The following FCRL4 variants were observed in gnomAD, a reference collection of about 807,000 sequenced individuals.
The protein encoded by FCRL4 is Fc receptor like 4.
In FCRL4, 43 loss-of-function variants were observed where a neutral mutation model predicts 64.1. That is an observed-to-expected ratio of 0.67 (90% CI 0.53 to 0.87). FCRL4 has a LOEUF of 0.87. Ranked by LOEUF, FCRL4 falls within the 40% of genes least tolerant of loss-of-function variation. FCRL4 has a pLI of 0.00. For synonymous variants in FCRL4, 253 were observed against 239.8 expected, an observed-to-expected ratio of 1.05 and a Z score of -0.51; for missense variants, 656 against 613.5, an observed-to-expected ratio of 1.07 and a Z score of -0.73.
At chr1:157,590,500 T>C (rs1367808918) in intron 2 of FCRL4, among the ~76,000 whole-genome samples, 1 of 151,808 alleles carries the variant, frequency 6.6e-6, no homozygotes, top group Non-Finnish European at 1.5e-5. Flanking sequence ...TAAAACCTTT[T>C]TTCACTTGTT....
At chr1:157,596,439 A>G in intron 1 of FCRL4, 91 bp from the exon 2 acceptor site, 4 of 1,407,844 alleles carry the variant, frequency 2.8e-6, no homozygotes, top group Non-Finnish European at 3.0e-6. Flanking sequence ...GCTACTTCCA[A>G]CCAAGAGGAA....
At chr1:157,589,100 G>A (rs1395208257) in intron 3 of FCRL4, 104 bp downstream of exon 3, 26 of 1,263,064 alleles carry the variant, frequency 2.1e-5, no homozygotes, top group East Asian at 2.3e-5. Context: ...AGCTGGGATC[G>A]AGGGTTAGAG....
intron 6 of FCRL4, among the ~76,000 whole-genome samples, chr1:157,584,791 A>G (rs2101679785): frequency 6.6e-6 from 1 of 152,246 alleles, no homozygotes; most frequent in Middle Eastern, 3.4e-3. Flanking sequence ...TAAACTGTTC[A>G]GGTTTATGGC....
At chr1:157,580,937 G>A (rs1247218044) in intron 7 of FCRL4, among the ~76,000 whole-genome samples, 2 of 152,246 alleles carry the variant, frequency 1.3e-5, no homozygotes, top group Admixed American at 1.3e-4. Context: ...GAGGCAAGAA[G>A]TCTTTGGAAG....
At position 157,573,853 on chromosome 1, in the gene FCRL4, A is replaced by G. The variant is rs1239724493; in HGVS notation, c.*1671T>C. 5.2e-6 allele frequency: 1 copy of G among 192,290 alleles called. No individual in the cohort carries two copies. The highest frequency in any genetic ancestry group is 1.1e-5 in the Non-Finnish European group (1 of 92,370). 11.9% of individuals were successfully genotyped at this position (192,290 alleles called of 1,614,324 possible). On this transcript the variant is annotated 3_prime_UTR_variant, in exon 12 of 12. Coordinates refer to ENST00000271532, the MANE Select transcript of FCRL4 (RefSeq NM_031282.3). ...ACAATAAACTATCACTTATATCCAAAACACACAACAATTTCTTAATATTAG... is the reference window on the plus strand; with the variant it reads ...ACAATAAACTATCACTTATATCCAAGACACACAACAATTTCTTAATATTAG...
rs372277997 is a variant in FCRL4 at position 157,578,567 on chromosome 1, G to T, written c.1361-25C>A. 6.9e-5 allele frequency: 110 copies of T among 1,599,770 alleles called. 1 individual carries two copies. The highest frequency in any genetic ancestry group is 5.1e-4 in the East Asian group (23 of 44,804). On this transcript the variant is annotated intron_variant, in intron 9 of 11. Coordinates refer to ENST00000271532, the MANE Select transcript of FCRL4 (RefSeq NM_031282.3). ...ACTGGAAAGAAAAGACATTTTCAAG[G>T]CTGTTCCTGTTAGTATTAAAGTGCT... is the stretch of plus-strand genomic sequence containing the variant.
chr1:157,575,456 A>C lies in FCRL4; in HGVS notation c.*68T>G. ...TCATTCCAGGGGCCGCAAGGACTGC[A>C]CTGGGCCTGGGACTTTGGACAAGGG... On this transcript the variant is annotated 3_prime_UTR_variant, in exon 12 of 12. Transcript: ENST00000271532. The C allele has an allele frequency of 8.4e-7, 1 of 1,193,316 alleles. No individual in the cohort carries two copies. The highest frequency in any genetic ancestry group is 1.2e-6 in the Non-Finnish European group (1 of 809,352). 73.9% of individuals were successfully genotyped at this position (1,193,316 alleles called of 1,614,324 possible). A position where few individuals can be genotyped will look rare whatever the true frequency, so the allele number is the denominator to read the frequency against.
intron 1 of FCRL4, among the ~76,000 whole-genome samples, chr1:157,596,914 G>A (rs1186722361): frequency 6.6e-6 from 1 of 152,144 alleles, no homozygotes; most frequent in Non-Finnish European, 1.5e-5. Context: ...ATTTGTAAAT[G>A]GGAGTTATAA....
At position 157,579,699 on chromosome 1, in the gene FCRL4, AATACATACATACATACATACATACATAC is replaced by A. The variant is rs71084243; in HGVS notation, c.1277+594_1277+621del. On this transcript the variant is annotated intron_variant, in intron 8 of 11. Coordinates refer to ENST00000271532, the MANE Select transcript of FCRL4 (RefSeq NM_031282.3). ...GCCACTGCACTCCAGCCTGGGTGAC[AATACATACATACATACATACATACATAC>A]ATACATACATACATACATACATAAA... Among the ~76,000 whole-genome samples, 156 of 123,726 alleles carry A rather than the reference AATACATACATACATACATACATACATAC, an allele frequency of 1.3e-3. 2 individuals carry two copies. Among genetic ancestry groups the A allele is most frequent in the Admixed American group, 1.6e-3 (21 of 12,778 alleles). 81.2% of individuals were successfully genotyped at this position (123,726 alleles called of 152,430 possible). A position where few individuals can be genotyped will look rare whatever the true frequency, so the allele number is the denominator to read the frequency against.
intron 3 of FCRL4, among the ~76,000 whole-genome samples, 185 bp downstream of exon 3, chr1:157,589,019 T>C (rs1652773000): frequency 6.6e-6 from 1 of 152,212 alleles, no homozygotes; most frequent in Non-Finnish European, 1.5e-5. Context: ...ATATTAACCA[T>C]TTAAACTCAA....
intron 9 of FCRL4, 100 bp from the exon 10 acceptor site, chr1:157,578,642 G>A: frequency 1.4e-6 from 2 of 1,388,860 alleles, no homozygotes; most frequent in South Asian, 1.2e-5. Flanking sequence ...GACACATAAT[G>A]GAACAATTAT....
intron 6 of FCRL4, among the ~76,000 whole-genome samples, chr1:157,585,586 A>G (rs1363851035): frequency 6.6e-6 from 1 of 152,034 alleles, no homozygotes; most frequent in African/African-American, 2.4e-5. Context: ...TAAACCTGTG[A>G]TATCCCAAAG....
At chr1:157,575,910 G>A (rs375783353) in intron 10 of FCRL4, among the ~76,000 whole-genome samples, 180 bp from the exon 11 acceptor site, 67 of 152,106 alleles carry the variant, frequency 4.4e-4, no homozygotes, top group African/African-American at 1.5e-3. Flanking sequence ...TCTTAACCCA[G>A]CCCTCTGCAA....
chr1:157,578,525 C>T lies in FCRL4; in HGVS notation c.1378G>A (p.Asp460Asn), dbSNP rs1390137248. The change falls in exon 10 of 12, where the codon GAT becomes AAT. Residue 460 changes from aspartate (D) to asparagine (N), a missense_variant. Physicochemically the swap from Asp to Asn is conservative, Grantham distance 23 (BLOSUM62 1). Coordinates refer to ENST00000271532, the MANE Select transcript of FCRL4 (RefSeq NM_031282.3). ...GTCTGGATCTCAGAGTATACCAAAT[C>T]TCCCTTTTTGGGGTGTACTGGAAAG... is the stretch of plus-strand genomic sequence containing the variant. ...LYVDVHPKKGDLVYSEIQTTQ... is the reference protein window; with the variant it reads ...LYVDVHPKKGNLVYSEIQTTQ... 8 of 1,613,986 alleles carry T rather than the reference C, an allele frequency of 5.0e-6. No homozygotes were observed. The highest frequency in any genetic ancestry group is 6.8e-6 in the Non-Finnish European group (8 of 1,179,832).
At position 157,589,283 on chromosome 1, in the gene FCRL4, C is replaced by T. The variant is rs149421908; in HGVS notation, c.228G>A (p.Glu76=). ...KLTLTPGNTL[E]VRESGLYRCQ... ...ATCTGTACAGTCCAGATTCCCGAAC[C>T]TCGAGGGTGTTTCCTGGGGTCAGGG... The change falls in exon 3 of 12, where the codon GAG becomes GAA. Residue 76 remains glutamate, a synonymous_variant. Coordinates refer to ENST00000271532, the MANE Select transcript of FCRL4 (RefSeq NM_031282.3). 687 of 1,614,180 alleles carry T rather than the reference C, an allele frequency of 4.3e-4. No individual in the cohort carries two copies. Among genetic ancestry groups the T allele is most frequent in the Non-Finnish European group, 5.6e-4 (664 of 1,180,038 alleles).
At chr1:157,593,039 G>A (rs1339825051) in intron 2 of FCRL4, among the ~76,000 whole-genome samples, 1 of 152,152 alleles carries the variant, frequency 6.6e-6, no homozygotes, top group Non-Finnish European at 1.5e-5. Flanking sequence ...TGAACAATGA[G>A]AACACATGGA....
intron 6 of FCRL4, among the ~76,000 whole-genome samples, chr1:157,585,808 G>A (rs932137985): frequency 1.3e-5 from 2 of 152,102 alleles, no homozygotes; most frequent in East Asian, 3.8e-4. Context: ...TTACTGAAAG[G>A]AGAGGTGTAG....
chr1:157,587,988 T>C lies in FCRL4; in HGVS notation c.439A>G (p.Asn147Asp), dbSNP rs1652743724. Residue 147 changes from asparagine to aspartate, a missense_variant, in exon 4 of 12, where the codon AAT becomes GAT. Asn to Asp is a conservative substitution (Grantham distance 23). Transcript: ENST00000271532. ...GGGATAAGAAGATCCCAGCTTTTAT[T>C]AGAAATGGAAAGAATGTTTCCATTC... ...TWNGNILSISNKSWDLLIPQA... is the reference protein window; with the variant it reads ...TWNGNILSISDKSWDLLIPQA... The C allele has an allele frequency of 6.2e-7, 1 of 1,613,376 alleles. No individual in the cohort carries two copies. Among genetic ancestry groups the C allele is most frequent in the African/African-American group, 1.3e-5 (1 of 75,070 alleles).
chr1:157,580,548 G>T (rs1652537652), intron 7 of FCRL4, 200 bp from the exon 8 acceptor site: 2 of 585,412 alleles, frequency 3.4e-6, no homozygotes, highest in South Asian at 4.2e-5. Flanking sequence ...GCACACTCCT[G>T]AGTTAAGTAT....
Sources: gnomAD v4.1 joint callset for allele counts (sites outside exome capture counted in the v4.1 genomes callset) on GRCh38, gnomAD v4.1.1 for gene constraint, MANE v1.5 for transcripts, NCBI Gene and HGNC (gene_info 2026-07-23, HGNC 2026-07-21) for gene names.